UGT2A2: variants seen among roughly 807,000 people sequenced by gnomAD.
The protein encoded by UGT2A2 is UDP glucuronosyltransferase family 2 member A2.
In UGT2A2, 60 loss-of-function variants were observed where a neutral mutation model predicts 50.7. The observed-to-expected ratio is 1.18, with a 90% CI of 0.96 to 1.47. UGT2A2 has a LOEUF of 1.47. UGT2A2 is among the 40% of genes most tolerant of loss of function. The pLI is 0.00. For synonymous variants in UGT2A2, 242 were observed against 214.6 expected, an observed-to-expected ratio of 1.13 and a Z score of -1.11; for missense variants, 762 against 634.0, an observed-to-expected ratio of 1.20 and a Z score of -2.17.
Position 69,599,271 on chromosome 4 carries a change from C to T in UGT2A2, c.866G>A (p.Cys289Tyr). Residue 289 changes from cysteine (C) to tyrosine (Y), a missense_variant, in exon 2 of 6, where the codon TGC (cysteine) becomes TAC (tyrosine). Coordinates refer to ENST00000604629, the MANE Select transcript of UGT2A2 (RefSeq NM_001105677.2). ...PNFEFVGGLH[C>Y]KPAKPLPKEM... is the part of the protein sequence containing the mutation. ...CTTAGGTAAAGGTTTGGCAGGTTTGCAGTGCAATCCTCCAACAAACTCAAA... is the reference window on the plus strand; with the variant it reads ...CTTAGGTAAAGGTTTGGCAGGTTTGTAGTGCAATCCTCCAACAAACTCAAA... The T allele has an allele frequency of 6.2e-7, 1 of 1,613,632 alleles. No homozygotes were observed. The highest frequency in any genetic ancestry group is 8.5e-7 in the Non-Finnish European group (1 of 1,179,828).
At chr4:69,636,805 TATC>T (rs1721735622) in intron 1 of UGT2A2, among the ~76,000 whole-genome samples, 1 of 152,164 alleles carries the variant, frequency 6.6e-6, no homozygotes, top group East Asian at 1.9e-4. Flanking sequence ...CCACATATGA[TATC>T]ATATGATCCT....
At chr4:69,628,076 C>T (rs1016633311) in intron 1 of UGT2A2, among the ~76,000 whole-genome samples, 3 of 151,788 alleles carry the variant, frequency 2.0e-5, no homozygotes, top group Non-Finnish European at 2.9e-5. Context: ...GAAATTATTG[C>T]CAAGGTCAAT....
chr4:69,613,860 A>G (rs1320831930), intron 1 of UGT2A2, among the ~76,000 whole-genome samples: 1 of 152,020 alleles, frequency 6.6e-6, no homozygotes, highest in Non-Finnish European at 1.5e-5. Context: ...GCAAACCTAC[A>G]GGTAGCATCA....
rs770099005 is a variant in UGT2A2 at position 69,605,264 on chromosome 4, A to T, written c.743-5870T>A. ...ATCAAATTAGAACTCAGGATTAAGAAATTCACTCAAAACCGCTCAACTACA... is the reference window on the plus strand; with the variant it reads ...ATCAAATTAGAACTCAGGATTAAGATATTCACTCAAAACCGCTCAACTACA... On this transcript the variant is annotated intron_variant, in intron 1 of 5. Transcript: ENST00000604629. 9.5e-5 allele frequency among the ~76,000 whole-genome samples: 13 copies of T among 137,010 alleles called. 3 individuals carry two copies. The highest frequency in any genetic ancestry group is 1.6e-4 in the Non-Finnish European group (10 of 64,416). The allele number at this position is 137,010 out of a possible 152,430, so 89.9% of individuals were successfully genotyped here. A position where few individuals can be genotyped will look rare whatever the true frequency, so the allele number is the denominator to read the frequency against.
chr4:69,608,732 G>A (rs1453754273), intron 1 of UGT2A2, among the ~76,000 whole-genome samples: 1 of 152,144 alleles, frequency 6.6e-6, no homozygotes, highest in East Asian at 1.9e-4. Flanking sequence ...CTTCACTCTT[G>A]TTGCCCAGGC....
rs1024884853 is a variant in UGT2A2 at position 69,624,680 on chromosome 4, A to G, written c.742+14219T>C. ...ATTTGCAATTAGTATCATTTTTAGC[A>G]TAACAACTTTACGACAGTATACTTC... is the stretch of plus-strand genomic sequence containing the variant. On this transcript the variant is annotated intron_variant, in intron 1 of 5. Transcript: ENST00000604629. Among the ~76,000 whole-genome samples, 3 of 151,298 alleles carry G rather than the reference A, an allele frequency of 2.0e-5. No individual in the cohort carries two copies. The Admixed American group carries it at 2.0e-4, about 10-fold the overall frequency.
intron 5 of UGT2A2, 65 bp downstream of exon 5, chr4:69,594,412 C>A (rs1224272704): frequency 1.3e-6 from 2 of 1,565,090 alleles, no homozygotes; most frequent in African/African-American, 1.4e-5. Flanking sequence ...AAAGAATGTA[C>A]ATTTTCTGGT....
chr4:69,609,171 G>A (rs1319263672), intron 1 of UGT2A2, among the ~76,000 whole-genome samples: 1 of 61,034 alleles, frequency 1.6e-5, no homozygotes, highest in Non-Finnish European at 3.5e-5. Context: ...TTTTTTTTTT[G>A]ACACAGCGTT....
chr4:69,634,941 G>A (rs1236179927), intron 1 of UGT2A2, among the ~76,000 whole-genome samples: 2 of 151,968 alleles, frequency 1.3e-5, no homozygotes, highest in Non-Finnish European at 2.9e-5. Context: ...TTCTTCATGG[G>A]CTGGGATAAG....
In UGT2A2 at chr4:69,595,161, C is replaced by T. The variant is rs1337562356; in HGVS notation, c.1111+1G>A. 4.3e-6 allele frequency: 7 copies of T among 1,613,804 alleles called. No individual in the cohort carries two copies. In the Admixed American group the frequency reaches 1.2e-4, roughly 27 times the overall value. The stretch of plus-strand genomic sequence containing the variant: ...CAGCTTTTCTTTCCCCACAGTCTTA[C>T]CAAGAAGATCATTCTGGGGTATCCA... On this transcript the variant is annotated splice_donor_variant, in intron 4 of 5. Transcript: ENST00000604629. LOFTEE classifies it high-confidence loss of function.
rs187927288 is a variant in UGT2A2, at chr4:69,631,032, G to A, written c.742+7867C>T. On this transcript the variant is annotated intron_variant, in intron 1 of 5. Coordinates refer to ENST00000604629, the MANE Select transcript of UGT2A2 (RefSeq NM_001105677.2). ...CCAGCTCTCTAGATATGAAATCATC[G>A]ACATAAGCTTTCTATTGTTCTCTTT... is the stretch of plus-strand genomic sequence containing the variant. Among the ~76,000 whole-genome samples, 73 of 152,124 alleles carry A rather than the reference G, an allele frequency of 4.8e-4. 1 individual carries two copies. The highest frequency in any genetic ancestry group is 5.1e-4 in the Non-Finnish European group (35 of 67,974).
At chr4:69,599,032 C>A (rs775416442) in intron 2 of UGT2A2, among the ~76,000 whole-genome samples, 8 of 152,054 alleles carry the variant, frequency 5.3e-5, no homozygotes, top group Non-Finnish European at 1.2e-4. Context: ...TAACACACAG[C>A]TTTAATCATT....
chr4:69,618,377 C>G (rs1234887922), intron 1 of UGT2A2, among the ~76,000 whole-genome samples: 16 of 151,672 alleles, frequency 1.1e-4, no homozygotes, highest in Non-Finnish European at 2.9e-5. Flanking sequence ...TTGGGAGATT[C>G]CACTACAGGT....
chr4:69,589,706 G>T, intron 5 of UGT2A2, 55 bp from the exon 6 acceptor site: 1 of 1,558,948 alleles, frequency 6.4e-7, no homozygotes, highest in Non-Finnish European at 8.7e-7. Flanking sequence ...TATTTTCATT[G>T]AAGATAAATA....
At chr4:69,621,572 C>T (rs745907362) in intron 1 of UGT2A2, among the ~76,000 whole-genome samples, 3 of 151,672 alleles carry the variant, frequency 2.0e-5, no homozygotes, top group Non-Finnish European at 4.4e-5. Context: ...ATTAGTTCAC[C>T]CATTGTGGAA....
chr4:69,639,165 T>C lies in UGT2A2; in HGVS notation c.476A>G (p.Asp159Gly). 1.2e-6 allele frequency: 2 copies of C among 1,613,704 alleles called. No homozygotes were observed. Among genetic ancestry groups the C allele is most frequent in the Non-Finnish European group, 1.7e-6 (2 of 1,179,756 alleles). Residue 159 changes from aspartate (D) to glycine (G), a missense_variant, in exon 1 of 6, where the codon GAC becomes GGC. Physicochemically the swap from Asp to Gly is moderately conservative, Grantham distance 94. Coordinates refer to ENST00000604629, the MANE Select transcript of UGT2A2 (RefSeq NM_001105677.2). ...QKGGFDVLVA[D>G]PVTICGDLVA... Reference sequence around the variant, plus strand: ...AAGATCACCACAGATTGTTACTGGGTCTGCTACCAACACATCAAAACCACC... The same window carrying C: ...AAGATCACCACAGATTGTTACTGGGCCTGCTACCAACACATCAAAACCACC...
intron 1 of UGT2A2, among the ~76,000 whole-genome samples, chr4:69,613,988 G>A (rs913253215): frequency 5.3e-5 from 8 of 151,994 alleles, no homozygotes; most frequent in African/African-American, 1.2e-4. Flanking sequence ...GCAATTAGAC[G>A]AGTGAAAGAA....
chr4:69,611,879 C>A (rs539229118), intron 1 of UGT2A2, among the ~76,000 whole-genome samples: 1 of 152,078 alleles, frequency 6.6e-6, no homozygotes, highest in Non-Finnish European at 1.5e-5. Flanking sequence ...ATTACACATA[C>A]GCATTCACAT....
intron 5 of UGT2A2, among the ~76,000 whole-genome samples, chr4:69,594,176 G>A (rs570837875): frequency 8.6e-5 from 13 of 151,658 alleles, no homozygotes; most frequent in South Asian, 4.2e-4. Flanking sequence ...GGGTTTCACC[G>A]TGTTAGCCAG....
Sources: gnomAD v4.1 joint callset for allele counts (sites outside exome capture counted in the v4.1 genomes callset) on GRCh38, gnomAD v4.1.1 for gene constraint, MANE v1.5 for transcripts, NCBI Gene and HGNC (gene_info 2026-07-23, HGNC 2026-07-21) for gene names.